The following PRAG1 variants were observed in gnomAD, a reference collection of about 807,000 sequenced individuals.
PRAG1 encodes inactive tyrosine-protein kinase PRAG1.
A neutral mutation model predicts 95.6 loss-of-function variants in PRAG1; 110 were observed. The observed-to-expected ratio is 1.15, with a 90% CI of 0.99 to 1.35. The LOEUF is 1.35. Ranked by LOEUF, PRAG1 falls within the 40% of genes most tolerant of loss-of-function variation. The probability of loss-of-function intolerance (pLI) is 0.00; values close to 1 mark genes in which losing one functional copy is unlikely to be tolerated. For missense variants in PRAG1, 2,554 were observed against 1,864.7 expected, an observed-to-expected ratio of 1.37 and a Z score of -6.81; for synonymous variants, 1,052 against 819.4, an observed-to-expected ratio of 1.28 and a Z score of -4.85.
chr8:8,366,250 C>T (rs1380552551), intron 3 of PRAG1, among the ~76,000 whole-genome samples: 2 of 151,770 alleles, frequency 1.3e-5, no homozygotes, highest in South Asian at 2.1e-4. Flanking sequence ...AAGAGAATGG[C>T]CGTCATCTGC....
At chr8:8,364,547 A>T (rs1364748532) in intron 3 of PRAG1, among the ~76,000 whole-genome samples, 3 of 152,152 alleles carry the variant, frequency 2.0e-5, no homozygotes, top group Non-Finnish European at 4.4e-5. Context: ...GGGTCTTAAA[A>T]ATGCTGTGAA....
chr8:8,334,191 C>T (rs1328402435), intron 4 of PRAG1, among the ~76,000 whole-genome samples: 2 of 152,172 alleles, frequency 1.3e-5, no homozygotes, highest in Admixed American at 1.3e-4. Flanking sequence ...TGCCTGCAAT[C>T]CCAGTACTTT....
At chr8:8,354,520 A>G (rs1799626829) in intron 3 of PRAG1, among the ~76,000 whole-genome samples, 2 of 152,244 alleles carry the variant, frequency 1.3e-5, no homozygotes, top group East Asian at 3.8e-4. Context: ...ATGAATATTA[A>G]TTCAATTCTC....
chr8:8,376,611 G>T lies in PRAG1; in HGVS notation c.1798C>A (p.Arg600=), dbSNP rs528782231. The T allele has an allele frequency of 1.4e-5, 22 of 1,603,356 alleles. No individual in the cohort carries two copies. Among genetic ancestry groups the T allele is most frequent in the Admixed American group, 1.0e-4 (6 of 59,302 alleles). The part of the protein sequence containing the change: ...QGPADPAPSC[R]TNGVAISDPS... ...TCACTGATAGCGACACCGTTGGTCC[G>T]GCAGGAAGGAGCGGGGTCAGCAGGA... The change falls in exon 3 of 6, where the codon CGG becomes AGG. Residue 600 remains arginine (R), a synonymous_variant. Coordinates refer to ENST00000615670, the MANE Select transcript of PRAG1 (RefSeq NM_001080826.3).
intron 5 of PRAG1, among the ~76,000 whole-genome samples, chr8:8,322,731 C>G (rs1034748077): frequency 6.6e-6 from 1 of 152,134 alleles, no homozygotes; most frequent in African/African-American, 2.4e-5. Context: ...CTCCATAACC[C>G]CTTCTCATAA....
intron 4 of PRAG1, among the ~76,000 whole-genome samples, chr8:8,337,460 T>C (rs1799025793): frequency 6.6e-6 from 1 of 151,990 alleles, no homozygotes; most frequent in Non-Finnish European, 1.5e-5. Context: ...GTTTAAAAGA[T>C]GTCAAAAAGA....
intron 3 of PRAG1, among the ~76,000 whole-genome samples, chr8:8,340,533 T>C (rs1799129177): frequency 6.6e-6 from 1 of 152,266 alleles, no homozygotes; most frequent in African/African-American, 2.4e-5. Flanking sequence ...CCTGATGACA[T>C]TCCTGTTCCT....
intron 5 of PRAG1, among the ~76,000 whole-genome samples, chr8:8,327,296 G>T (rs1798660872): frequency 2.6e-5 from 4 of 152,186 alleles, no homozygotes; most frequent in African/African-American, 9.6e-5. Context: ...GGGGTCAGGG[G>T]TGGTGGCTCA....
rs73523437 is a variant in PRAG1 at position 8,362,910 on chromosome 8, C to T, written c.2162+13337G>A. 4.3e-3 allele frequency among the ~76,000 whole-genome samples: 650 copies of T among 152,112 alleles called. 5 individuals are homozygous for T. Among genetic ancestry groups the T allele is most frequent in the African/African-American group, 0.015 (625 of 41,512 alleles). ...TGCAGAACAAAGGAAAAGAGGAAGT[C>T]GCTTATGTAAAGGCTTATAGAAGCA... On this transcript the variant is annotated intron_variant, in intron 3 of 5. Coordinates refer to ENST00000615670, the MANE Select transcript of PRAG1 (RefSeq NM_001080826.3).
At chr8:8,375,923 C>T (rs1275685575) in intron 3 of PRAG1, among the ~76,000 whole-genome samples, 1 of 152,124 alleles carries the variant, frequency 6.6e-6, no homozygotes, top group East Asian at 1.9e-4. Flanking sequence ...CTACTGAAGA[C>T]ACTTCAGAGA....
chr8:8,357,780 A>G (rs1160677425), intron 3 of PRAG1, among the ~76,000 whole-genome samples: 4 of 152,222 alleles, frequency 2.6e-5, no homozygotes, highest in Non-Finnish European at 5.9e-5. Flanking sequence ...CAAAATGTAG[A>G]AGCAACTTAA....
chr8:8,333,239 T>C (rs115748646), intron 4 of PRAG1, among the ~76,000 whole-genome samples: 2,600 of 152,264 alleles, frequency 0.017, 77 homozygotes, highest in African/African-American at 0.057. Flanking sequence ...TTTTAATAAT[T>C]TTGCATGCTA....
rs77435489 is a variant in PRAG1, at chr8:8,357,368, C to G, written c.2163-17733G>C. Among the ~76,000 whole-genome samples, 163 of 152,034 alleles carry G rather than the reference C, an allele frequency of 1.1e-3. 2 individuals are homozygous for G. In the East Asian group the frequency reaches 0.029, roughly 27 times the overall value. ...CCAAACAATCCAATTAAAAACTGGT[C>G]AAAGAACTTAAATTTGTCAAAAAAC... On this transcript the variant is annotated intron_variant, in intron 3 of 5. Transcript: ENST00000615670.
chr8:8,331,869 T>C (rs1357137020), intron 4 of PRAG1, among the ~76,000 whole-genome samples: 1 of 152,208 alleles, frequency 6.6e-6, no homozygotes, highest in Non-Finnish European at 1.5e-5. Flanking sequence ...TGGGTAAATC[T>C]GACAAGGGGT....
At chr8:8,320,251 G>A (rs1798431396) in intron 5 of PRAG1, among the ~76,000 whole-genome samples, 1 of 152,084 alleles carries the variant, frequency 6.6e-6, no homozygotes, top group Non-Finnish European at 1.5e-5. Flanking sequence ...AAACCAGAAA[G>A]CTCTCCAAGG....
Position 8,327,908 on chromosome 8 carries a change from G to C in PRAG1, c.2874C>G (p.Leu958=), listed in dbSNP as rs770486196. 29 of 1,614,016 alleles carry C rather than the reference G, an allele frequency of 1.8e-5. No individual in the cohort carries two copies. The highest frequency in any genetic ancestry group is 2.1e-5 in the Non-Finnish European group (25 of 1,179,972). The change falls in exon 5 of 6, where the codon CTC becomes CTG. Residue 958 remains leucine, a synonymous_variant. Coordinates refer to ENST00000615670, the MANE Select transcript of PRAG1 (RefSeq NM_001080826.3). ...CAAGGCGGGCCAGGGACTGGGTGTAGAGTCCCCCCAGCTTGGCATAGGTGC... is the reference window on the plus strand; with the variant it reads ...CAAGGCGGGCCAGGGACTGGGTGTACAGTCCCCCCAGCTTGGCATAGGTGC... ...KEGTYAKLGG[L]YTQSLARLVA...
In PRAG1 at chr8:8,327,986, C is replaced by T. The variant is rs1406064655; in HGVS notation, c.2796G>A (p.Gly932=). The T allele has an allele frequency of 1.3e-6, 2 of 1,597,228 alleles. No individual in the cohort carries two copies. Among genetic ancestry groups the T allele is most frequent in the Non-Finnish European group, 1.7e-6 (2 of 1,170,510 alleles). ...GACCGTGCAGCTGAAGCTGGGTGCT[C>T]CCGGTGGAGGCTTGACTGGACACGC... ...QLSVSSQAST[G]STQLQLHGLL... Residue 932 remains glycine, a synonymous_variant, in exon 5 of 6, where the codon GGG becomes GGA. Coordinates refer to ENST00000615670, the MANE Select transcript of PRAG1 (RefSeq NM_001080826.3).
rs1372864504 is a variant in PRAG1, at chr8:8,376,796, G to A, written c.1613C>T (p.Pro538Leu). The A allele has an allele frequency of 1.2e-6, 2 of 1,611,336 alleles. No individual in the cohort carries two copies. Among genetic ancestry groups the A allele is most frequent in the African/African-American group, 2.7e-5 (2 of 74,910 alleles). ...GGGGGGAATGGCGGGCCTCTCCTTGGGCTTGCTCTCGCTGGCACTGTGAGC... is the reference window on the plus strand; with the variant it reads ...GGGGGGAATGGCGGGCCTCTCCTTGAGCTTGCTCTCGCTGGCACTGTGAGC... ...SHAHSASESKPKERPAIPPKL... is the reference protein window; with the variant it reads ...SHAHSASESKLKERPAIPPKL... Residue 538 changes from proline to leucine, a missense_variant, in exon 3 of 6, where the codon CCC (proline) becomes CTC (leucine). Pro to Leu is a moderately conservative substitution (Grantham distance 98). Coordinates refer to ENST00000615670, the MANE Select transcript of PRAG1 (RefSeq NM_001080826.3).
At chr8:8,362,423 T>C (rs1309160444) in intron 3 of PRAG1, among the ~76,000 whole-genome samples, 1 of 152,292 alleles carries the variant, frequency 6.6e-6, no homozygotes, top group African/African-American at 2.4e-5. Context: ...GTTTACCTGG[T>C]TGCCACAGCA....
Sources: allele counts gnomAD v4.1 joint callset (sites outside exome capture counted in the v4.1 genomes callset), GRCh38; gene constraint gnomAD v4.1.1; transcripts MANE v1.5; gene names NCBI Gene and HGNC (gene_info 2026-07-23, HGNC 2026-07-21).